The following ZNF184 variants were observed in gnomAD, a reference collection of about 807,000 sequenced individuals.
The protein encoded by ZNF184 is zinc finger protein 184 (Kruppel-like).
ZNF184 carries 16 observed loss-of-function variants against 54.4 expected under a neutral mutation model. The observed-to-expected ratio is 0.29, with a 90% CI of 0.20 to 0.45. ZNF184 has a LOEUF of 0.45. ZNF184 is among the 20% of genes least tolerant of loss of function. The pLI, the probability that ZNF184 is intolerant of heterozygous loss-of-function variation, is 1.00. For synonymous variants in ZNF184, 254 were observed against 295.3 expected (o/e 0.86, Z 1.43); for missense variants, 681 against 888.2 (o/e 0.77, Z 2.97).
At chr6:27,447,941 A>T, downstream of ZNF184, among the ~76,000 whole-genome samples, 1 of 152,172 alleles carries the variant, frequency 6.6e-6, no homozygotes, top group East Asian at 1.9e-4. Flanking sequence ...AATACTCAGG[A>T]TAATAGTCAC....
intron 3 of ZNF184, among the ~76,000 whole-genome samples, chr6:27,466,888 T>C (rs1359394644): frequency 5.9e-5 from 9 of 152,166 alleles, no homozygotes. Context: ...CCATTAAAAA[T>C]CATTAATGGT....
At chr6:27,464,824 G>A (rs1382330432) in intron 3 of ZNF184, among the ~76,000 whole-genome samples, 1 of 151,554 alleles carries the variant, frequency 6.6e-6, no homozygotes. Flanking sequence ...AGACCATCCT[G>A]GCTAACATGG....
chr6:27,408,263 T>C, the ZNF184 span, among the ~76,000 whole-genome samples: 1 of 152,224 alleles, frequency 6.6e-6, no homozygotes, highest in Non-Finnish European at 1.5e-5. Context: ...TATTGAATAA[T>C]TGGAGCTGAG....
At chr6:27,422,165 AAAG>A in the ZNF184 span, among the ~76,000 whole-genome samples, 4 of 34,650 alleles carry the variant, frequency 1.2e-4, 1 homozygote, top group East Asian at 1.6e-3. Flanking sequence ...AGAAAGAAAG[AAAG>A]AAAGAAAGAA....
At chr6:27,431,724 T>C in the ZNF184 span, among the ~76,000 whole-genome samples, 1 of 152,174 alleles carries the variant, frequency 6.6e-6, no homozygotes, top group Non-Finnish European at 1.5e-5. Context: ...AGAATTTCTA[T>C]AGGGAAACAA....
the ZNF184 span, among the ~76,000 whole-genome samples, chr6:27,431,582 C>A: frequency 4.6e-5 from 7 of 152,142 alleles, no homozygotes; most frequent in Non-Finnish European, 1.0e-4. Context: ...AAACCTTTAG[C>A]AACTGCCAAC....
intron 3 of ZNF184, among the ~76,000 whole-genome samples, chr6:27,464,439 A>C (rs1344296468): frequency 6.6e-6 from 1 of 152,228 alleles, no homozygotes; most frequent in Admixed American, 6.5e-5. Flanking sequence ...TGATTAAAAC[A>C]AATATGAATC....
chr6:27,466,315 G>A (rs144536316), intron 3 of ZNF184, among the ~76,000 whole-genome samples: 1,884 of 152,228 alleles, frequency 0.012, 26 homozygotes, highest in Non-Finnish European at 0.018. Flanking sequence ...ACCTATTTTG[G>A]ACTTTTGACT....
At chr6:27,415,624 C>T in the ZNF184 span, among the ~76,000 whole-genome samples, 2 of 152,054 alleles carry the variant, frequency 1.3e-5, no homozygotes, top group African/African-American at 4.8e-5. Context: ...TGTTTTGGAA[C>T]GTTTCTTACC....
chr6:27,441,537 TCTACCA>T, the ZNF184 span, among the ~76,000 whole-genome samples: 1 of 152,170 alleles, frequency 6.6e-6, no homozygotes, highest in African/African-American at 2.4e-5. Context: ...GAATGCTGAC[TCTACCA>T]CTTTCTATAT....
chr6:27,409,986 A>ATTTGT, the ZNF184 span, among the ~76,000 whole-genome samples: 19 of 152,200 alleles, frequency 1.2e-4, no homozygotes, highest in African/African-American at 4.3e-4. Context: ...ATGATACACA[A>ATTTGT]ATATTTACCA....
At position 27,451,186 on chromosome 6, in the gene ZNF184, A is replaced by T. The variant is rs1762705264; in HGVS notation, c.*117T>A. Reference sequence around the variant, plus strand: ...TGTACTTTCCATTCCATAACATGATAGTGAAAATTTAAAAGATTTCAAGGC... The same window carrying T: ...TGTACTTTCCATTCCATAACATGATTGTGAAAATTTAAAAGATTTCAAGGC... On this transcript the variant is annotated 3_prime_UTR_variant, in exon 6 of 6. Coordinates refer to ENST00000683788, the MANE Select transcript of ZNF184 (RefSeq NM_001318891.2). The T allele has an allele frequency of 1.1e-5, 13 of 1,226,696 alleles. No homozygotes were observed. The East Asian group carries it at 3.1e-4, about 29-fold the overall frequency. 76.0% of individuals were successfully genotyped at this position (1,226,696 alleles called of 1,614,324 possible). A position where few individuals can be genotyped will look rare whatever the true frequency, so the allele number is the denominator to read the frequency against.
In ZNF184 at chr6:27,453,353, C is replaced by G; in HGVS notation, c.299-93G>C. 7.8e-7 allele frequency: 1 copy of G among 1,277,604 alleles called. No individual in the cohort carries two copies. Among genetic ancestry groups the G allele is most frequent in the Non-Finnish European group, 1.0e-6 (1 of 966,930 alleles). The allele number at this position is 1,277,604 out of a possible 1,614,324, so 79.1% of individuals were successfully genotyped here. A position where few individuals can be genotyped will look rare whatever the true frequency, so the allele number is the denominator to read the frequency against. Reference sequence around the variant, plus strand: ...TATAATGATACTGAAAAATAAATCTCTCAGAAAATTCTAATGGTTTTCAAA... The same window carrying G: ...TATAATGATACTGAAAAATAAATCTGTCAGAAAATTCTAATGGTTTTCAAA... On this transcript the variant is annotated intron_variant, in intron 5 of 5. Coordinates refer to ENST00000683788, the MANE Select transcript of ZNF184 (RefSeq NM_001318891.2). This position sits in a 1 kb window ranked among gnomAD's most constrained non-coding sequence, Gnocchi z 4.7.
At chr6:27,417,594 T>C in the ZNF184 span, among the ~76,000 whole-genome samples, 1 of 152,136 alleles carries the variant, frequency 6.6e-6, no homozygotes, top group African/African-American at 2.4e-5. Context: ...TGCCAAACTA[T>C]ATAATCATGC....
the ZNF184 span, among the ~76,000 whole-genome samples, chr6:27,422,214 A>AAGAAAGAC: frequency 6.6e-6 from 1 of 150,812 alleles, no homozygotes; most frequent in Non-Finnish European, 1.5e-5. Context: ...GAAAGAAAGA[A>AAGAAAGAC]AGAAAAGAAA....
intron 3 of ZNF184, among the ~76,000 whole-genome samples, chr6:27,460,820 G>A (rs1036701648): frequency 6.6e-6 from 1 of 152,148 alleles, no homozygotes; most frequent in Non-Finnish European, 1.5e-5. Flanking sequence ...TTAGGAGCAG[G>A]GCAAGTCTAG....
the ZNF184 span, chr6:27,407,968 A>C: frequency 6.6e-7 from 1 of 1,507,796 alleles, no homozygotes. Context: ...TACATTGACT[A>C]TGCTGAATTT....
At chr6:27,445,900 C>T (rs984234676), downstream of ZNF184, among the ~76,000 whole-genome samples, 22 of 152,174 alleles carry the variant, frequency 1.4e-4, no homozygotes, top group African/African-American at 4.8e-4. Flanking sequence ...TTAACAGTGA[C>T]GAACTGGGAT....
chr6:27,442,903 A>G, the ZNF184 span, among the ~76,000 whole-genome samples: 1 of 152,026 alleles, frequency 6.6e-6, no homozygotes, highest in African/African-American at 2.4e-5. Flanking sequence ...AAAGAAAAAA[A>G]AAAAGAAAAG....
Sources: gnomAD v4.1 joint callset for allele counts (sites outside exome capture counted in the v4.1 genomes callset) on GRCh38, gnomAD v4.1.1 for gene constraint, Gnocchi (gnomAD v3.1) non-coding constraint, MANE v1.5 for transcripts, NCBI Gene and HGNC (gene_info 2026-07-23, HGNC 2026-07-21) for gene names.